DDX4: variants seen among roughly 807,000 people sequenced by gnomAD.
DDX4 encodes DEAD-box helicase 4.
A neutral mutation model predicts 100.0 loss-of-function variants in DDX4; 25 were observed. That is an observed-to-expected ratio of 0.25 (90% CI 0.18 to 0.35). The LOEUF (loss-of-function observed/expected upper bound fraction) is 0.35, where lower values mean the gene tolerates loss of function less well. DDX4 is among the 10% of genes least tolerant of loss of function. DDX4 has a pLI of 1.00. For missense variants in DDX4, 635 were observed against 882.4 expected, an observed-to-expected ratio of 0.72 and a Z score of 3.55; for synonymous variants, 259 against 275.7, an observed-to-expected ratio of 0.94 and a Z score of 0.60.
intron 13 of DDX4, 121 bp downstream of exon 13, chr5:55,785,992 G>T (rs1742222237): frequency 1.6e-6 from 1 of 615,488 alleles, no homozygotes. Flanking sequence ...AAGGTCTTAG[G>T]TTGGAAATTT....
chr5:55,792,247 A>G (rs539814741), intron 16 of DDX4, among the ~76,000 whole-genome samples: 1 of 151,940 alleles, frequency 6.6e-6, no homozygotes, highest in South Asian at 2.1e-4. Context: ...AAAATGCTTT[A>G]TAACAGAAAA....
chr5:55,781,477 G>A (rs1408932064), intron 9 of DDX4, among the ~76,000 whole-genome samples: 1 of 152,058 alleles, frequency 6.6e-6, no homozygotes, highest in African/African-American at 2.4e-5. Flanking sequence ...TGAGGTTAAG[G>A]TTAAAGTTAA....
chr5:55,756,052 GTT>G (rs1307660769), intron 3 of DDX4, among the ~76,000 whole-genome samples: 1 of 152,072 alleles, frequency 6.6e-6, no homozygotes, highest in Non-Finnish European at 1.5e-5. Flanking sequence ...GTAGTTATAG[GTT>G]ATTTGTGGAT....
At position 55,760,261 on chromosome 5, in the gene DDX4, G is replaced by A. The variant is rs749000910; in HGVS notation, c.189G>A (p.Arg63=). 7.0e-6 allele frequency: 11 copies of A among 1,570,398 alleles called. No homozygotes were observed. The highest frequency in any genetic ancestry group is 9.4e-6 in the Non-Finnish European group (11 of 1,164,106). ...TGAAAAGTGGATTTGCCTCTGGGCG[G>A]AATTTTGGAAACAGAGGTAAGCATC... is the stretch of plus-strand genomic sequence containing the variant. ...HFMKSGFASG[R]NFGNRDAGEC... The change falls in exon 4 of 22, where the codon CGG becomes CGA. Residue 63 remains arginine (R), a synonymous_variant. Coordinates refer to ENST00000505374, the MANE Select transcript of DDX4 (RefSeq NM_024415.3).
intron 18 of DDX4, among the ~76,000 whole-genome samples, chr5:55,802,565 A>G (rs1046309079): frequency 6.6e-6 from 1 of 152,220 alleles, no homozygotes; most frequent in Non-Finnish European, 1.5e-5. Flanking sequence ...AATCTCACTC[A>G]GTCCAGTGAT....
intron 3 of DDX4, among the ~76,000 whole-genome samples, chr5:55,752,022 A>C (rs2111671979): frequency 6.6e-6 from 1 of 152,292 alleles, no homozygotes; most frequent in East Asian, 1.9e-4. Flanking sequence ...TAAATGACTC[A>C]CAAAAAAGGA....
chr5:55,750,338 A>G (rs1250875624), intron 3 of DDX4: 1 of 154,024 alleles, frequency 6.5e-6, no homozygotes, highest in Non-Finnish European at 1.5e-5. Context: ...CTTTGATAAT[A>G]GCTTGCAGCT....
At chr5:55,813,411 C>G (rs921564130) in intron 18 of DDX4, among the ~76,000 whole-genome samples, 1 of 152,086 alleles carries the variant, frequency 6.6e-6, no homozygotes, top group African/African-American at 2.4e-5. Context: ...TTTACCTTTC[C>G]CTAAGGTTCT....
intron 7 of DDX4, among the ~76,000 whole-genome samples, chr5:55,776,750 A>C (rs1235844358): frequency 6.6e-6 from 1 of 152,212 alleles, no homozygotes; most frequent in Non-Finnish European, 1.5e-5. Flanking sequence ...AGTAAGAACT[A>C]CTAAATTGTA....
intron 18 of DDX4, among the ~76,000 whole-genome samples, chr5:55,803,329 T>TTTA (rs776491872): frequency 6.6e-6 from 1 of 150,664 alleles, no homozygotes; most frequent in African/African-American, 2.4e-5. Context: ...GTGCCACATT[T>TTTA]TTATTATTAT....
At chr5:55,780,306 A>G (rs1452010818) in intron 8 of DDX4, among the ~76,000 whole-genome samples, 1 of 152,178 alleles carries the variant, frequency 6.6e-6, no homozygotes, top group African/African-American at 2.4e-5. Context: ...GTACTTTAAT[A>G]TTACATACTG....
chr5:55,781,252 A>T (rs1741894078), intron 9 of DDX4, 106 bp downstream of exon 9: 3 of 828,588 alleles, frequency 3.6e-6, no homozygotes, highest in Non-Finnish European at 5.3e-6. Flanking sequence ...TTGGCTTATG[A>T]TTTTCTCTGC....
chr5:55,765,564 C>T (rs1740865614), intron 6 of DDX4, among the ~76,000 whole-genome samples: 1 of 151,624 alleles, frequency 6.6e-6, no homozygotes, highest in Non-Finnish European at 1.5e-5. Flanking sequence ...ATCTACTTTG[C>T]TTAAGCTGGT....
intron 19 of DDX4, 68 bp downstream of exon 19, chr5:55,813,840 T>A: frequency 7.0e-7 from 1 of 1,432,632 alleles, no homozygotes; most frequent in Admixed American, 2.6e-5. Flanking sequence ...AACATCAGTT[T>A]ATATAACTAA....
chr5:55,743,721 C>T (rs1457427153), intron 2 of DDX4, among the ~76,000 whole-genome samples: 4 of 152,132 alleles, frequency 2.6e-5, no homozygotes, highest in Non-Finnish European at 5.9e-5. Flanking sequence ...TGAGCCACCG[C>T]GCCCAACCAG....
intron 18 of DDX4, among the ~76,000 whole-genome samples, chr5:55,806,824 A>G (rs1015373585): frequency 2.4e-4 from 37 of 152,254 alleles, no homozygotes; most frequent in Middle Eastern, 3.4e-3. Flanking sequence ...GGAGAGTTCT[A>G]TAGATGTCTG....
intron 2 of DDX4, among the ~76,000 whole-genome samples, chr5:55,745,703 G>T (rs909117493): frequency 2.6e-5 from 4 of 152,104 alleles, no homozygotes; most frequent in African/African-American, 9.7e-5. Flanking sequence ...GATTACATAC[G>T]AGAGCCACCA....
At chr5:55,770,987 G>A (rs1183147767) in intron 7 of DDX4, among the ~76,000 whole-genome samples, 1 of 152,026 alleles carries the variant, frequency 6.6e-6, no homozygotes, top group Non-Finnish European at 1.5e-5. Flanking sequence ...TATGTGCTTG[G>A]TCCTGACTTA....
intron 17 of DDX4, among the ~76,000 whole-genome samples, chr5:55,796,793 A>AAG (rs1742969136): frequency 6.9e-6 from 1 of 145,044 alleles, no homozygotes; most frequent in South Asian, 2.2e-4. Context: ...TTCAAACTTG[A>AAG]AGACTTTTCT....
Sources: gnomAD v4.1 joint callset for allele counts (sites outside exome capture counted in the v4.1 genomes callset) on GRCh38, gnomAD v4.1.1 for gene constraint, MANE v1.5 for transcripts, NCBI Gene and HGNC (gene_info 2026-07-23, HGNC 2026-07-21) for gene names.